The following PHYHIPL variants were observed in gnomAD, a reference collection of about 807,000 sequenced individuals.
PHYHIPL encodes the protein phytanoyl-CoA 2-hydroxylase interacting protein like, also known as phytanoyl-CoA hydroxylase-interacting protein-like.
PHYHIPL carries 9 observed loss-of-function variants against 33.4 expected under a neutral mutation model. That is an observed-to-expected ratio of 0.27 (90% CI 0.16 to 0.47). The LOEUF is 0.47. Ranked by LOEUF, PHYHIPL falls within the 20% of genes least tolerant of loss-of-function variation. The probability of loss-of-function intolerance (pLI) is 0.99; values close to 1 mark genes in which losing one functional copy is unlikely to be tolerated. For missense variants in PHYHIPL, 365 were observed against 460.7 expected (o/e 0.79, Z 1.90); for synonymous variants, 153 against 154.1 (o/e 0.99, Z 0.05).
At position 59,212,884 on chromosome 10, in the gene PHYHIPL, A is replaced by G. The variant is rs367638611; in HGVS notation, c.107-21420A>G. ...ACCCCAGGATTTTATCGGCTTATCA[A>G]TTTGTACAACATAGATAATAAATTA... On this transcript the variant is annotated intron_variant, in intron 1 of 4. Transcript: ENST00000373880. 1.8e-4 allele frequency among the ~76,000 whole-genome samples: 27 copies of G among 152,200 alleles called. 1 individual carries two copies. The highest frequency in any genetic ancestry group is 7.7e-4 in the East Asian group (4 of 5,202).
At chr10:59,211,908 T>A (rs1212114294) in intron 1 of PHYHIPL, among the ~76,000 whole-genome samples, 1 of 152,146 alleles carries the variant, frequency 6.6e-6, no homozygotes, top group African/African-American at 2.4e-5. Flanking sequence ...ATGGTTTGAA[T>A]GTTTATCCCC....
chr10:59,235,475 T>C (rs912610906), intron 2 of PHYHIPL, among the ~76,000 whole-genome samples: 11 of 151,840 alleles, frequency 7.2e-5, no homozygotes, highest in African/African-American at 2.7e-4. Flanking sequence ...GGAACTTTCT[T>C]ACCTTACCTA....
At chr10:59,199,085 C>G (rs553027156) in intron 1 of PHYHIPL, among the ~76,000 whole-genome samples, 1 of 152,222 alleles carries the variant, frequency 6.6e-6, no homozygotes, top group South Asian at 2.1e-4. Context: ...TCAATTTTGG[C>G]TTTTATTGCC....
chr10:59,213,106 G>T lies in PHYHIPL; in HGVS notation c.107-21198G>T, dbSNP rs546487974. Among the ~76,000 whole-genome samples the T allele has an allele frequency of 2.6e-5, 4 of 151,844 alleles. No individual in the cohort carries two copies. The South Asian group carries it at 8.3e-4, about 32-fold the overall frequency. On this transcript the variant is annotated intron_variant, in intron 1 of 4. Coordinates refer to ENST00000373880, the MANE Select transcript of PHYHIPL (RefSeq NM_032439.4). The stretch of plus-strand genomic sequence containing the variant: ...AAATATGGCTTTTGCTTAATAATTT[G>T]TAGAAGACTATTTAGAATGTATAAG...
intron 1 of PHYHIPL, among the ~76,000 whole-genome samples, chr10:59,201,912 TCTC>T (rs1173000334): frequency 6.6e-6 from 1 of 152,124 alleles, no homozygotes; most frequent in Non-Finnish European, 1.5e-5. Flanking sequence ...TATAGGAAGT[TCTC>T]CTAACTGACT....
intron 1 of PHYHIPL, among the ~76,000 whole-genome samples, chr10:59,180,314 G>GTATGTGTGTGTATATATA (rs1491252242): frequency 3.5e-5 from 3 of 86,170 alleles, no homozygotes; most frequent in African/African-American, 1.6e-4. Flanking sequence ...TATAGAAAAA[G>GTATGTGTGTGTATATATA]TATATATATA....
intron 1 of PHYHIPL, among the ~76,000 whole-genome samples, chr10:59,215,353 T>C (rs1480313066): frequency 6.6e-6 from 1 of 152,060 alleles, no homozygotes; most frequent in Non-Finnish European, 1.5e-5. Context: ...TTTGGATAAT[T>C]CATTATGAGA....
At position 59,199,599 on chromosome 10, in the gene PHYHIPL, G is replaced by A. The variant is rs146280919; in HGVS notation, c.106+22640G>A. The stretch of plus-strand genomic sequence containing the variant: ...TTTTTCCAATTCTGTGAAGAAAGTC[G>A]TTGGTAGCTTGATGGAAATGGCATT... On this transcript the variant is annotated intron_variant, in intron 1 of 4. Coordinates refer to ENST00000373880, the MANE Select transcript of PHYHIPL (RefSeq NM_032439.4). Among the ~76,000 whole-genome samples the A allele has an allele frequency of 8.1e-3, 1,234 of 152,186 alleles. 25 individuals are homozygous for A. Among genetic ancestry groups the A allele is most frequent in the African/African-American group, 0.028 (1,168 of 41,516 alleles).
At chr10:59,213,898 TG>T (rs1589279440) in intron 1 of PHYHIPL, among the ~76,000 whole-genome samples, 1 of 152,174 alleles carries the variant, frequency 6.6e-6, no homozygotes, top group East Asian at 1.9e-4. Context: ...CTAGTTACTA[TG>T]GGTACGACCA....
chr10:59,246,600 T>C lies in PHYHIPL; in HGVS notation c.*1009T>C, dbSNP rs555391542. ...TTTCGTATAAAATAACACAAAATGA[T>C]ATACACTGAAGTTGATGAAGCAAAT... On this transcript the variant is annotated 3_prime_UTR_variant, in exon 5 of 5. Coordinates refer to ENST00000373880, the MANE Select transcript of PHYHIPL (RefSeq NM_032439.4). The C allele has an allele frequency of 2.5e-6, 1 of 397,506 alleles. No homozygotes were observed. Among genetic ancestry groups the C allele is most frequent in the Non-Finnish European group, 4.4e-6 (1 of 225,108 alleles). 24.6% of individuals were successfully genotyped at this position (397,506 alleles called of 1,614,324 possible). A position where few individuals can be genotyped will look rare whatever the true frequency, so the allele number is the denominator to read the frequency against.
chr10:59,244,567 A>AAAAAAAAAG (rs1840569197), intron 4 of PHYHIPL, among the ~76,000 whole-genome samples: 1 of 128,956 alleles, frequency 7.8e-6, no homozygotes, highest in Admixed American at 8.3e-5. Flanking sequence ...TGTCTCAAAA[A>AAAAAAAAAG]AAAAAAAAAA....
chr10:59,177,903 A>G (rs144599183), intron 1 of PHYHIPL, among the ~76,000 whole-genome samples: 1 of 152,354 alleles, frequency 6.6e-6, no homozygotes, highest in Non-Finnish European at 1.5e-5. Context: ...CACAGTTCAC[A>G]TGTTGTTAAG....
chr10:59,224,186 T>C (rs906945798), intron 1 of PHYHIPL, among the ~76,000 whole-genome samples: 1 of 152,190 alleles, frequency 6.6e-6, no homozygotes, highest in Non-Finnish European at 1.5e-5. Flanking sequence ...TAATAAATAC[T>C]CAATGTATAA....
At chr10:59,232,760 A>C (rs1429972045) in intron 1 of PHYHIPL, among the ~76,000 whole-genome samples, 2 of 151,926 alleles carry the variant, frequency 1.3e-5, no homozygotes, top group Non-Finnish European at 2.9e-5. Flanking sequence ...AAATTCTACT[A>C]TCAGAGTTCA....
intron 1 of PHYHIPL, among the ~76,000 whole-genome samples, chr10:59,193,162 G>C (rs1050473543): frequency 3.3e-5 from 5 of 152,116 alleles, no homozygotes; most frequent in Admixed American, 1.3e-4. Context: ...CATGTGTGGT[G>C]TCTGAAAGGA....
chr10:59,236,334 C>T lies in PHYHIPL; in HGVS notation c.304-149C>T. ...CTACTAAATTAACTTCCTCCTTTTC[C>T]CTCCTTCCTTCCCTCCCTCCTTCCC... On this transcript the variant is annotated intron_variant, in intron 2 of 4. Transcript: ENST00000373880. 1.6e-5 allele frequency: 7 copies of T among 451,304 alleles called. No homozygotes were observed. The South Asian group carries it at 1.7e-4, about 11-fold the overall frequency. The allele number at this position is 451,304 out of a possible 1,614,324, so 28.0% of individuals were successfully genotyped here.
At chr10:59,224,732 A>G (rs1162320305) in intron 1 of PHYHIPL, among the ~76,000 whole-genome samples, 1 of 152,130 alleles carries the variant, frequency 6.6e-6, no homozygotes, top group Non-Finnish European at 1.5e-5. Context: ...TTAAAATATA[A>G]TTTTTCAAAT....
chr10:59,228,962 C>T (rs1042530396), intron 1 of PHYHIPL, among the ~76,000 whole-genome samples: 1 of 152,082 alleles, frequency 6.6e-6, no homozygotes, highest in Non-Finnish European at 1.5e-5. Context: ...ACTGGTGGGA[C>T]TAAGGAGCAA....
chr10:59,242,167 C>T lies in PHYHIPL; in HGVS notation c.597-2890C>T, dbSNP rs1221245936. On this transcript the variant is annotated intron_variant, in intron 4 of 4. Transcript: ENST00000373880. ...CTGAATAGGGAGCCTGGATTTTCCACCACTGCCCAAAGAAAATGAGGCTTG... is the reference window on the plus strand; with the variant it reads ...CTGAATAGGGAGCCTGGATTTTCCATCACTGCCCAAAGAAAATGAGGCTTG... 3.3e-5 allele frequency among the ~76,000 whole-genome samples: 5 copies of T among 152,164 alleles called. No individual in the cohort carries two copies. The East Asian group carries it at 7.7e-4, about 23-fold the overall frequency.
Sources: gnomAD v4.1 joint callset for allele counts (sites outside exome capture counted in the v4.1 genomes callset) on GRCh38, gnomAD v4.1.1 for gene constraint, MANE v1.5 for transcripts, NCBI Gene and HGNC (gene_info 2026-07-23, HGNC 2026-07-21) for gene names.